The following SH3BP1 variants were observed in gnomAD, a reference collection of about 807,000 sequenced individuals.
The protein encoded by SH3BP1 is SH3 domain binding protein 1.
A neutral mutation model predicts 69.8 loss-of-function variants in SH3BP1; 46 were observed. The observed-to-expected ratio is 0.66, with a 90% CI of 0.52 to 0.84. The LOEUF (loss-of-function observed/expected upper bound fraction) is 0.84. Among genes scored for constraint, SH3BP1 ranks in the 40% least tolerant of loss-of-function variants. SH3BP1 has a pLI of 0.00. For synonymous variants in SH3BP1, 403 were observed against 378.0 expected (o/e 1.07, Z -0.77); for missense variants, 868 against 930.9 (o/e 0.93, Z 0.88).
At chr22:37,641,078 C>CAGGCTCA in intron 1 of SH3BP1, 48 bp from the exon 2 acceptor site, 2 of 1,304,862 alleles carry the variant, frequency 1.5e-6, no homozygotes, top group Non-Finnish European at 2.2e-6. Flanking sequence ...CTAACCCAGG[C>CAGGCTCA]AGGCTCAGCA....
In SH3BP1 at chr22:37,642,883, C is replaced by T; in HGVS notation, c.285-12C>T. ...AGCGGGCGCCTGGACCCATGGGGTG[C>T]CGTGTCCACAGGAAGGCCTTGGAGA... is the stretch of plus-strand genomic sequence containing the variant. On this transcript the variant is annotated splice_polypyrimidine_tract_variant and intron_variant, in intron 4 of 17. Coordinates refer to ENST00000649765, the MANE Select transcript of SH3BP1 (RefSeq NM_018957.6). 6.2e-7 allele frequency: 1 copy of T among 1,608,968 alleles called. No individual in the cohort carries two copies. The highest frequency in any genetic ancestry group is 8.5e-7 in the Non-Finnish European group (1 of 1,177,204).
intron 1 of SH3BP1, 96 bp from the exon 2 acceptor site, chr22:37,641,030 C>G: frequency 1.2e-6 from 1 of 854,608 alleles, no homozygotes; most frequent in Admixed American, 2.0e-5. Flanking sequence ...CACTGGGGTC[C>G]AGGTGCCCTG....
rs1038000774 is a variant in SH3BP1 at position 37,641,457 on chromosome 22, G to A, written c.186G>A (p.Gly62=). The A allele has an allele frequency of 2.6e-6, 4 of 1,551,074 alleles. No homozygotes were observed. Among genetic ancestry groups the A allele is most frequent in the Non-Finnish European group, 3.5e-6 (4 of 1,147,064 alleles). ...RLQACLQGQS[G]ADMDKRVKKL... is the part of the protein sequence containing the mutation. ...AGGCCTGTCTGCAGGGCCAGAGCGG[G>A]GCAGACATGGACAAGCGGGTGGTGA... Residue 62 remains glycine (G), a synonymous_variant, in exon 3 of 18, where the codon GGG becomes GGA. Transcript: ENST00000649765.
At chr22:37,647,637 T>C in intron 13 of SH3BP1, 116 bp downstream of exon 13, 1 of 637,736 alleles carries the variant, frequency 1.6e-6, no homozygotes. Flanking sequence ...GAAATATTAC[T>C]GAAAATGCAG....
Position 37,653,770 on chromosome 22 carries a change from C to T in SH3BP1, c.1599-9C>T, listed in dbSNP as rs760889949. On this transcript the variant is annotated splice_polypyrimidine_tract_variant and intron_variant, in intron 16 of 17. Coordinates refer to ENST00000649765, the MANE Select transcript of SH3BP1 (RefSeq NM_018957.6). ...CTAAGTCTGCCCCATCCTCTCCTTC[C>T]CTCTGCAGGACAGAGTCTGAGGTGC... 1.8e-5 allele frequency: 29 copies of T among 1,605,588 alleles called. No homozygotes were observed. In the East Asian group the frequency reaches 5.6e-4, roughly 31 times the overall value.
In SH3BP1 at chr22:37,645,354, C is replaced by T; in HGVS notation, c.779-11C>T. ...AAGGCCCTGGGCCGCTGATCTGTTTCATCCCTGCAGACCACTCCCCTTCGA... is the reference window on the plus strand; with the variant it reads ...AAGGCCCTGGGCCGCTGATCTGTTTTATCCCTGCAGACCACTCCCCTTCGA... On this transcript the variant is annotated splice_polypyrimidine_tract_variant and intron_variant, in intron 9 of 17. Coordinates refer to ENST00000649765, the MANE Select transcript of SH3BP1 (RefSeq NM_018957.6). 1 of 1,599,022 alleles carries T rather than the reference C, an allele frequency of 6.3e-7. No individual in the cohort carries two copies. The highest frequency in any genetic ancestry group is 1.3e-5 in the African/African-American group (1 of 74,788).
At chr22:37,651,938 C>T (rs919164618) in intron 16 of SH3BP1, among the ~76,000 whole-genome samples, 8 of 152,080 alleles carry the variant, frequency 5.3e-5, no homozygotes, top group African/African-American at 1.2e-4. Flanking sequence ...AAGGAAGAAA[C>T]GACCAAGCAG....
intron 13 of SH3BP1, 94 bp downstream of exon 13, chr22:37,647,615 A>C: frequency 1.2e-6 from 1 of 855,478 alleles, no homozygotes; most frequent in Non-Finnish European, 1.7e-6. Context: ...TGGCCTTGCC[A>C]CTGTATCCTA....
chr22:37,650,468 G>A (rs1482353851), intron 15 of SH3BP1, 74 bp from the exon 16 acceptor site: 1 of 1,541,328 alleles, frequency 6.5e-7, no homozygotes, highest in Non-Finnish European at 8.8e-7. Flanking sequence ...AGGGGAAGGG[G>A]AAACGGTCCC....
intron 1 of SH3BP1, 30 bp downstream of exon 1, chr22:37,639,876 T>C: frequency 6.5e-7 from 1 of 1,535,362 alleles, no homozygotes; most frequent in East Asian, 2.6e-5. Context: ...AGCCCCACTC[T>C]TACCCCGGCA....
At position 37,643,680 on chromosome 22, in the gene SH3BP1, A is replaced by G; in HGVS notation, c.510A>G (p.Gln170=). Residue 170 remains glutamine, a synonymous_variant, in exon 7 of 18, where the codon CAA becomes CAG. Coordinates refer to ENST00000649765, the MANE Select transcript of SH3BP1 (RefSeq NM_018957.6). ...SQATKNSGSS[Q]GLGGSPGSHS... is the part of the protein sequence containing the mutation. ...CAACCAAGAATTCAGGCAGCAGTCAAGGCCTAGGAGGCAGCCCGGGTAGTC... is the reference window on the plus strand; with the variant it reads ...CAACCAAGAATTCAGGCAGCAGTCAGGGCCTAGGAGGCAGCCCGGGTAGTC... The G allele has an allele frequency of 6.2e-7, 1 of 1,614,200 alleles. No individual in the cohort carries two copies. The highest frequency in any genetic ancestry group is 8.5e-7 in the Non-Finnish European group (1 of 1,180,044).
At chr22:37,650,772 A>G in intron 16 of SH3BP1, 47 bp downstream of exon 16, 1 of 1,518,580 alleles carries the variant, frequency 6.6e-7, no homozygotes, top group Non-Finnish European at 8.8e-7. Context: ...TCCCACAATC[A>G]GCCTGCCTGA....
chr22:37,644,621 C>T lies in SH3BP1; in HGVS notation c.619-16C>T, dbSNP rs777694327. 1 of 1,613,938 alleles carries T rather than the reference C, an allele frequency of 6.2e-7. No homozygotes were observed. The highest frequency in any genetic ancestry group is 1.3e-5 in the African/African-American group (1 of 75,048). On this transcript the variant is annotated splice_polypyrimidine_tract_variant and intron_variant, in intron 7 of 17. Coordinates refer to ENST00000649765, the MANE Select transcript of SH3BP1 (RefSeq NM_018957.6). ...CAGCCTCACCCAACGTAAGCTCTCCCCTCTCTGTCCCCAAGGACGAGTACT... is the reference window on the plus strand; with the variant it reads ...CAGCCTCACCCAACGTAAGCTCTCCTCTCTCTGTCCCCAAGGACGAGTACT...
Position 37,644,691 on chromosome 22 carries a change from A to G in SH3BP1, c.673A>G (p.Asn225Asp). The G allele has an allele frequency of 6.2e-7, 1 of 1,614,246 alleles. No homozygotes were observed. The highest frequency in any genetic ancestry group is 8.5e-7 in the Non-Finnish European group (1 of 1,180,048). ...TGTTACCAAGGAGGACTCCTATGCC[A>G]ACTACTTCATTCGTGTGAGTCCAAG... ...HFVTKEDSYANYFIRLLEIQA... is the reference protein window; with the variant it reads ...HFVTKEDSYADYFIRLLEIQA... The change falls in exon 8 of 18, where the codon AAC (asparagine) becomes GAC (aspartate). Residue 225 changes from asparagine (N) to aspartate (D), a missense_variant. Asn to Asp is a conservative substitution (Grantham distance 23). Coordinates refer to ENST00000649765, the MANE Select transcript of SH3BP1 (RefSeq NM_018957.6).
chr22:37,647,816 C>G (rs889659972), intron 13 of SH3BP1, among the ~76,000 whole-genome samples: 1 of 152,086 alleles, frequency 6.6e-6, no homozygotes, highest in Non-Finnish European at 1.5e-5. Flanking sequence ...GCTAGGACTA[C>G]AGGCGCCTGC....
At chr22:37,653,684 A>G in intron 16 of SH3BP1, 95 bp from the exon 17 acceptor site, 2 of 807,834 alleles carry the variant, frequency 2.5e-6, no homozygotes, top group Non-Finnish European at 4.3e-6. Context: ...TGCTGGGAGG[A>G]TCCGGACTCC....
intron 6 of SH3BP1, 123 bp downstream of exon 6, chr22:37,643,297 C>A: frequency 1.2e-6 from 1 of 857,502 alleles, no homozygotes; most frequent in Non-Finnish European, 1.9e-6. Context: ...AGTGTGTGTA[C>A]TTGTGCACGC....
At chr22:37,647,582 C>A in intron 13 of SH3BP1, 61 bp downstream of exon 13, 3 of 1,329,164 alleles carry the variant, frequency 2.3e-6, no homozygotes, top group Non-Finnish European at 3.1e-6. Flanking sequence ...AGGTCACGGA[C>A]CCTGGGACCC....
intron 1 of SH3BP1, 117 bp downstream of exon 1, chr22:37,639,963 A>T (rs1044345843): frequency 4.1e-6 from 3 of 734,088 alleles, no homozygotes; most frequent in Non-Finnish European, 4.2e-6. Flanking sequence ...CCACCCTCTG[A>T]GCGGCCAGAC....
Sources: allele counts gnomAD v4.1 joint callset (sites outside exome capture counted in the v4.1 genomes callset), GRCh38; gene constraint gnomAD v4.1.1; transcripts MANE v1.5; gene names NCBI Gene and HGNC (gene_info 2026-07-23, HGNC 2026-07-21).